Variants in GPD2 observed in about 807,000 individuals in gnomAD.
The protein encoded by GPD2 is glycerol-3-phosphate dehydrogenase, mitochondrial.
A neutral mutation model predicts 82.4 loss-of-function variants in GPD2; 54 were observed. That is an observed-to-expected ratio of 0.66 (90% CI 0.53 to 0.82). The LOEUF (loss-of-function observed/expected upper bound fraction) is 0.82, where lower values mean the gene tolerates loss of function less well. GPD2 is among the 40% of genes least tolerant of loss of function. The pLI is 0.00. For synonymous variants in GPD2, 288 were observed against 306.1 expected (o/e 0.94, Z 0.62); for missense variants, 748 against 896.2 (o/e 0.83, Z 2.11).
At chr2:156,569,619 C>G in intron 11 of GPD2, 81 bp downstream of exon 11, 1 of 1,016,150 alleles carries the variant, frequency 9.8e-7, no homozygotes, top group South Asian at 1.3e-5. Flanking sequence ...GCAATCAGGT[C>G]TCCCTGATTG....
chr2:156,553,541 C>G (rs1170475431), intron 8 of GPD2, among the ~76,000 whole-genome samples: 1 of 152,112 alleles, frequency 6.6e-6, no homozygotes, highest in East Asian at 1.9e-4. Flanking sequence ...TTTCAATCAT[C>G]ATAGAAAAAA....
At chr2:156,529,413 C>G (rs1268428225) in intron 6 of GPD2, among the ~76,000 whole-genome samples, 2 of 135,840 alleles carry the variant, frequency 1.5e-5, no homozygotes, top group African/African-American at 2.7e-5. Flanking sequence ...ATGGTAGTTT[C>G]TTTTGCTGTG....
At chr2:156,465,476 T>A (rs1184273054) in intron 1 of GPD2, among the ~76,000 whole-genome samples, 2 of 151,546 alleles carry the variant, frequency 1.3e-5, no homozygotes, top group Non-Finnish European at 2.9e-5. Context: ...ATCCTCCCAC[T>A]TCAGTCTCCT....
chr2:156,406,680 G>A, the GPD2 span, among the ~76,000 whole-genome samples: 1 of 151,886 alleles, frequency 6.6e-6, no homozygotes, highest in South Asian at 2.1e-4. Flanking sequence ...AGTCCTCATG[G>A]TGGAGGAAAT....
chr2:156,550,551 G>A (rs369921544), intron 7 of GPD2, 51 bp from the exon 8 acceptor site: 196 of 1,585,918 alleles, frequency 1.2e-4, no homozygotes, highest in Non-Finnish European at 1.5e-4. Flanking sequence ...CACAGCATCC[G>A]TTAACAGAGA....
intron 2 of GPD2, 54 bp downstream of exon 2, chr2:156,476,261 G>T (rs1213209796): frequency 1.1e-6 from 1 of 937,966 alleles, no homozygotes; most frequent in East Asian, 2.4e-5. Context: ...CTGCTAAAGA[G>T]CTGTCTATGG....
At chr2:156,482,178 TA>T (rs1413884670) in intron 2 of GPD2, among the ~76,000 whole-genome samples, 3 of 152,234 alleles carry the variant, frequency 2.0e-5, no homozygotes, top group Non-Finnish European at 4.4e-5. Flanking sequence ...GATACTTTGT[TA>T]AAACTTTTGG....
the GPD2 span, among the ~76,000 whole-genome samples, chr2:156,423,185 T>C: frequency 6.6e-6 from 1 of 152,230 alleles, no homozygotes; most frequent in Non-Finnish European, 1.5e-5. Flanking sequence ...ATGATCTGAT[T>C]CAAAGCCCAT....
At chr2:156,485,521 C>T (rs1180350210) in intron 2 of GPD2, among the ~76,000 whole-genome samples, 1 of 152,154 alleles carries the variant, frequency 6.6e-6, no homozygotes, top group African/African-American at 2.4e-5. Context: ...GCAATGTAGG[C>T]GAGTTGTAAA....
chr2:156,446,284 TG>T, intron 1 of GPD2, among the ~76,000 whole-genome samples: 1 of 151,626 alleles, frequency 6.6e-6, no homozygotes, highest in East Asian at 2.0e-4. Flanking sequence ...TTAGTAGAGA[TG>T]GGGTTTTGCC....
At chr2:156,437,337 ATGTGAAGTTTC>A (rs1681972169) in intron 1 of GPD2, among the ~76,000 whole-genome samples, 2 of 152,218 alleles carry the variant, frequency 1.3e-5, no homozygotes, top group South Asian at 4.1e-4. Context: ...GTTTAAAGAG[ATGTGAAGTTTC>A]TTTTTGGCGT....
intron 9 of GPD2, among the ~76,000 whole-genome samples, chr2:156,559,929 T>C (rs1687107500): frequency 6.6e-6 from 1 of 152,236 alleles, no homozygotes; most frequent in Admixed American, 6.5e-5. Context: ...TTTTAACATA[T>C]TCATTATTGT....
chr2:156,460,411 A>T (rs1311973589), intron 1 of GPD2, among the ~76,000 whole-genome samples: 1 of 152,206 alleles, frequency 6.6e-6, no homozygotes, highest in African/African-American at 2.4e-5. Flanking sequence ...TAAAATGGGG[A>T]TAGGCCAGGC....
chr2:156,491,269 G>C (rs1684165003), intron 2 of GPD2, among the ~76,000 whole-genome samples: 1 of 152,226 alleles, frequency 6.6e-6, no homozygotes, highest in African/African-American at 2.4e-5. Context: ...TTTCTGTAAA[G>C]AGGCAGAGAG....
At chr2:156,531,204 A>G (rs1020743836) in intron 6 of GPD2, among the ~76,000 whole-genome samples, 1 of 152,158 alleles carries the variant, frequency 6.6e-6, no homozygotes, top group African/African-American at 2.4e-5. Context: ...AAATATGCAT[A>G]GTTTTAATTC....
At chr2:156,560,502 A>G (rs1354992904) in intron 9 of GPD2, among the ~76,000 whole-genome samples, 1 of 152,214 alleles carries the variant, frequency 6.6e-6, no homozygotes, top group Non-Finnish European at 1.5e-5. Context: ...AGCAGAAATG[A>G]CAGCCCTTTC....
At chr2:156,577,984 C>T (rs1332237043) in intron 13 of GPD2, among the ~76,000 whole-genome samples, 1 of 152,068 alleles carries the variant, frequency 6.6e-6, no homozygotes. Context: ...ACATGGCCAA[C>T]TCACATCAAT....
At chr2:156,474,966 GA>G (rs970180276) in intron 1 of GPD2, among the ~76,000 whole-genome samples, 17 of 149,662 alleles carry the variant, frequency 1.1e-4, no homozygotes, top group South Asian at 4.3e-4. Flanking sequence ...AAGAAAGAAA[GA>G]AAAAAAAATA....
intron 6 of GPD2, among the ~76,000 whole-genome samples, chr2:156,523,090 A>G (rs1440962128): frequency 6.6e-6 from 1 of 152,214 alleles, no homozygotes; most frequent in Non-Finnish European, 1.5e-5. Flanking sequence ...CTACATGGAC[A>G]CATCATTATC....
Sources: allele counts gnomAD v4.1 joint callset (sites outside exome capture counted in the v4.1 genomes callset), GRCh38; gene constraint gnomAD v4.1.1; transcripts MANE v1.5; gene names NCBI Gene and HGNC (gene_info 2026-07-23, HGNC 2026-07-21).